Variants in MAPRE2 observed in about 807,000 individuals in gnomAD.
The protein encoded by MAPRE2 is microtubule associated protein RP/EB family member 2.
Under a neutral mutation model 43.2 loss-of-function variants are expected in MAPRE2, and 13 were observed. The ratio of observed to expected loss-of-function variants is 0.30; its 90% CI spans 0.20 to 0.48. The LOEUF (loss-of-function observed/expected upper bound fraction) is 0.48. Among genes scored for constraint, MAPRE2 ranks in the 20% least tolerant of loss-of-function variants. The pLI is 0.99. For missense variants in MAPRE2, 161 were observed against 400.2 expected (o/e 0.40, Z 5.10); for synonymous variants, 135 against 148.8 (o/e 0.91, Z 0.68).
At chr18:35,063,473 A>G (rs1182485666) in intron 1 of MAPRE2, among the ~76,000 whole-genome samples, 1 of 139,886 alleles carries the variant, frequency 7.1e-6, no homozygotes, top group Non-Finnish European at 1.5e-5. Context: ...AGTGACATAA[A>G]GAAGGTAACT....
chr18:34,981,947 C>G lies in MAPRE2; in HGVS notation c.-70+4868C>G, dbSNP rs752582675. Among the ~76,000 whole-genome samples the G allele has an allele frequency of 3.4e-5, 5 of 148,024 alleles. No individual in the cohort carries two copies. The East Asian group carries it at 9.9e-4, about 29-fold the overall frequency. ...TCTCCCAGGCTGGAGTGCAGTGGCG[C>G]CATCTCGGCTCACTGCAAGCTCTGC... On this transcript the variant is annotated intron_variant, in intron 1 of 7. Transcript: ENST00000413393.
chr18:35,001,523 A>C (rs1045953135), intron 1 of MAPRE2, among the ~76,000 whole-genome samples: 2 of 152,170 alleles, frequency 1.3e-5, no homozygotes, highest in African/African-American at 2.4e-5. Flanking sequence ...CAAAAAAAAA[A>C]AAAAAAAGAT....
intron 1 of MAPRE2, among the ~76,000 whole-genome samples, chr18:35,044,645 T>G (rs1361582777): frequency 2.0e-5 from 3 of 152,206 alleles, no homozygotes; most frequent in African/African-American, 7.2e-5. Flanking sequence ...CTAAAAGAGC[T>G]ATGTAACATA....
chr18:35,018,351 G>A (rs1368673189), intron 2 of MAPRE2, among the ~76,000 whole-genome samples: 1 of 151,664 alleles, frequency 6.6e-6, no homozygotes, highest in Non-Finnish European at 1.5e-5. Context: ...CTTCTTCCTC[G>A]ATTTTTAAAA....
chr18:34,984,791 A>ATAAAT (rs1555909413), intron 1 of MAPRE2, among the ~76,000 whole-genome samples: 1 of 109,210 alleles, frequency 9.2e-6, no homozygotes, highest in Non-Finnish European at 1.8e-5. Context: ...ATATATAGTT[A>ATAAAT]TATATTATAT....
At chr18:35,021,100 C>T (rs1376519063) in intron 2 of MAPRE2, among the ~76,000 whole-genome samples, 1 of 152,022 alleles carries the variant, frequency 6.6e-6, no homozygotes, top group African/African-American at 2.4e-5. Flanking sequence ...CTCAAGGGGG[C>T]AGAGAGAACC....
intron 4 of MAPRE2, among the ~76,000 whole-genome samples, chr18:35,102,668 A>G (rs1908734569): frequency 6.6e-6 from 1 of 152,174 alleles, no homozygotes; most frequent in Admixed American, 6.6e-5. Context: ...CTATTTATCC[A>G]GCTTTGTCCA....
At chr18:35,063,111 GT>G (rs769830270) in intron 1 of MAPRE2, among the ~76,000 whole-genome samples, 24 of 148,608 alleles carry the variant, frequency 1.6e-4, no homozygotes, top group African/African-American at 2.2e-4. Flanking sequence ...TTTTGTTGTT[GT>G]TTTTTTTTTG....
intron 4 of MAPRE2, among the ~76,000 whole-genome samples, chr18:35,112,140 CATT>C (rs1225989955): frequency 6.6e-6 from 1 of 151,808 alleles, no homozygotes; most frequent in Non-Finnish European, 1.5e-5. Flanking sequence ...TAGTACTTCT[CATT>C]ATTATGCAGA....
At chr18:35,099,422 C>G (rs192223844) in intron 3 of MAPRE2, among the ~76,000 whole-genome samples, 2 of 152,258 alleles carry the variant, frequency 1.3e-5, no homozygotes, top group East Asian at 3.9e-4. Context: ...CCAGACCAGC[C>G]TGGTCAACAT....
intron 1 of MAPRE2, among the ~76,000 whole-genome samples, chr18:35,047,365 C>G (rs1317159671): frequency 6.6e-6 from 1 of 152,108 alleles, no homozygotes. Context: ...AAGCACTATT[C>G]CAACAGCCCT....
chr18:35,076,356 A>T (rs1347848146), intron 2 of MAPRE2, among the ~76,000 whole-genome samples: 1 of 152,204 alleles, frequency 6.6e-6, no homozygotes, highest in African/African-American at 2.4e-5. Context: ...GAGCATACAA[A>T]GAAGGAAGTA....
intron 1 of MAPRE2, among the ~76,000 whole-genome samples, chr18:34,998,305 A>G (rs1603388290): frequency 6.7e-6 from 1 of 148,630 alleles, no homozygotes; most frequent in South Asian, 2.1e-4. Flanking sequence ...CCATTCACTT[A>G]CCAGCATTTT....
At chr18:35,100,177 C>T (rs1048161752) in intron 3 of MAPRE2, among the ~76,000 whole-genome samples, 1 of 152,182 alleles carries the variant, frequency 6.6e-6, no homozygotes, top group South Asian at 2.1e-4. Flanking sequence ...GATTCACATT[C>T]AGCTAGTATT....
intron 1 of MAPRE2, among the ~76,000 whole-genome samples, chr18:34,996,143 C>A (rs1282956096): frequency 6.6e-6 from 1 of 152,114 alleles, no homozygotes; most frequent in African/African-American, 2.4e-5. Flanking sequence ...ATTTTTCCAC[C>A]CCTGCTGTCA....
chr18:34,979,031 G>A (rs1368406659), intron 1 of MAPRE2, among the ~76,000 whole-genome samples: 3 of 152,200 alleles, frequency 2.0e-5, no homozygotes, highest in Non-Finnish European at 4.4e-5. Context: ...GCAGCAGCAG[G>A]CATTGCAAGA....
chr18:35,084,391 A>G (rs912750581), intron 2 of MAPRE2, among the ~76,000 whole-genome samples: 2 of 152,258 alleles, frequency 1.3e-5, no homozygotes, highest in Non-Finnish European at 2.9e-5. Flanking sequence ...GTGCAGGCCT[A>G]TAAGATTCTT....
intron 6 of MAPRE2, among the ~76,000 whole-genome samples, chr18:35,137,347 A>G (rs944188389): frequency 6.6e-6 from 1 of 152,204 alleles, no homozygotes; most frequent in Non-Finnish European, 1.5e-5. Flanking sequence ...AAGGCCAGCA[A>G]ACCTGCTGCC....
At chr18:35,075,264 G>A (rs1011258262) in intron 2 of MAPRE2, among the ~76,000 whole-genome samples, 2 of 152,198 alleles carry the variant, frequency 1.3e-5, no homozygotes, top group African/African-American at 4.8e-5. Context: ...CCACCCTGAT[G>A]GCCATCATTC....
Sources: allele counts gnomAD v4.1 joint callset (sites outside exome capture counted in the v4.1 genomes callset), GRCh38; gene constraint gnomAD v4.1.1; transcripts MANE v1.5; gene names NCBI Gene and HGNC (gene_info 2026-07-23, HGNC 2026-07-21).